The following THSD7B variants were observed in gnomAD, a reference collection of about 807,000 sequenced individuals.
THSD7B encodes the protein thrombospondin type 1 domain containing 7B.
THSD7B carries 138 observed loss-of-function variants against 213.6 expected under a neutral mutation model. The ratio of observed to expected loss-of-function variants is 0.65; its 90% CI spans 0.56 to 0.74. THSD7B has a LOEUF of 0.74. Among genes scored for constraint, THSD7B ranks in the 30% least tolerant of loss-of-function variants. The probability of loss-of-function intolerance (pLI) is 0.00; values close to 1 mark genes in which losing one functional copy is unlikely to be tolerated. For missense variants in THSD7B, 1,931 were observed against 1,991.5 expected (o/e 0.97, Z 0.58); for synonymous variants, 742 against 687.0 (o/e 1.08, Z -1.25).
chr2:137,025,392 T>C (rs76075939), intron 2 of THSD7B, among the ~76,000 whole-genome samples: 2,507 of 152,270 alleles, frequency 0.016, 71 homozygotes, highest in African/African-American at 0.057. Context: ...TCCCAGCTCA[T>C]AGGACATGGC....
At chr2:137,169,416 AACTATACCTTGAGGTG>A (rs1680198994) in intron 6 of THSD7B, among the ~76,000 whole-genome samples, 3 of 151,580 alleles carry the variant, frequency 2.0e-5, no homozygotes, top group African/African-American at 7.3e-5. Context: ...GTCTTTCTCC[AACTATACCTTGAGGTG>A]TGTAACTTTT....
intron 7 of THSD7B, among the ~76,000 whole-genome samples, chr2:137,193,447 G>T (rs1680699806): frequency 6.6e-6 from 1 of 152,132 alleles, no homozygotes; most frequent in South Asian, 2.1e-4. Flanking sequence ...CATCTGAAAT[G>T]TACTCTCTTA....
chr2:136,770,926 G>A (rs185307531), intron 1 of THSD7B, among the ~76,000 whole-genome samples: 136 of 151,918 alleles, frequency 9.0e-4, no homozygotes, highest in Admixed American at 2.2e-3. Flanking sequence ...AATTTAATTT[G>A]TTTTCTTAGA....
chr2:137,481,295 A>G (rs1351061521), intron 15 of THSD7B, among the ~76,000 whole-genome samples: 1 of 152,192 alleles, frequency 6.6e-6, no homozygotes, highest in East Asian at 1.9e-4. Flanking sequence ...AAACACTGAA[A>G]CTTTCTTTAT....
chr2:137,580,722 G>A (rs560695539), intron 17 of THSD7B, among the ~76,000 whole-genome samples: 124 of 152,344 alleles, frequency 8.1e-4, no homozygotes, highest in African/African-American at 2.9e-3. Flanking sequence ...TGTACAGGAA[G>A]CATGGTTTCT....
intron 15 of THSD7B, among the ~76,000 whole-genome samples, chr2:137,539,299 G>T (rs1680564242): frequency 6.6e-6 from 1 of 151,580 alleles, no homozygotes; most frequent in Non-Finnish European, 1.5e-5. Context: ...TCACGTGCAG[G>T]GTTTTGCAAG....
intron 17 of THSD7B, among the ~76,000 whole-genome samples, chr2:137,581,006 A>G (rs1681561784): frequency 6.6e-6 from 1 of 152,236 alleles, no homozygotes; most frequent in African/African-American, 2.4e-5. Flanking sequence ...GGGTGGGGAT[A>G]AATATCCAAA....
chr2:137,190,379 G>C (rs903156262), intron 7 of THSD7B, among the ~76,000 whole-genome samples: 1 of 152,066 alleles, frequency 6.6e-6, no homozygotes, highest in Non-Finnish European at 1.5e-5. Context: ...ACGGAAGCAA[G>C]TTGCCTGACT....
rs114218782 is a variant in THSD7B, at chr2:137,095,752, A to G, written c.1199+631A>G. On this transcript the variant is annotated intron_variant, in intron 4 of 27. Coordinates refer to ENST00000409968, the MANE Select transcript of THSD7B (RefSeq NM_001316349.2). ...CTCTTGTTGCCCAGGGTGGAGTGCA[A>G]TGGTGTGATTATGGCTCACTTTAGC... Among the ~76,000 whole-genome samples the G allele has an allele frequency of 2.1e-3, 312 of 152,172 alleles. 3 individuals are homozygous for G. Among genetic ancestry groups the G allele is most frequent in the African/African-American group, 7.2e-3 (299 of 41,522 alleles).
intron 5 of THSD7B, among the ~76,000 whole-genome samples, chr2:137,142,836 ATTTGT>A (rs755407224): frequency 1.3e-5 from 2 of 152,004 alleles, no homozygotes; most frequent in African/African-American, 2.4e-5. Flanking sequence ...TTGTTTTCTT[ATTTGT>A]TTTGAAGATT....
chr2:137,087,589 A>G lies in THSD7B; in HGVS notation c.951-7284A>G, dbSNP rs114829802. Among the ~76,000 whole-genome samples the G allele has an allele frequency of 3.8e-3, 577 of 152,260 alleles. 6 individuals carry two copies. Among genetic ancestry groups the G allele is most frequent in the African/African-American group, 0.013 (553 of 41,538 alleles). ...AACAAAACAAAACAAAATAAAACTA[A>G]CCAAGGAAGTGAAAGACCTCTACAA... On this transcript the variant is annotated intron_variant, in intron 3 of 27. Transcript: ENST00000409968.
chr2:136,926,602 G>A (rs554590613), intron 2 of THSD7B, among the ~76,000 whole-genome samples: 58 of 152,152 alleles, frequency 3.8e-4, no homozygotes, highest in African/African-American at 1.4e-3. Flanking sequence ...GCTAAGGTGG[G>A]AGGATGGTCT....
chr2:136,807,509 G>GATTTTTTTTTTTT (rs1682303012), intron 1 of THSD7B, among the ~76,000 whole-genome samples: 1 of 104,886 alleles, frequency 9.5e-6, no homozygotes, highest in African/African-American at 3.7e-5. Context: ...AAAATGTTTC[G>GATTTTTTTTTTTT]TTTTTTTTTT....
intron 12 of THSD7B, 63 bp from the exon 13 acceptor site, chr2:137,405,550 A>G: frequency 6.1e-6 from 9 of 1,475,536 alleles, no homozygotes; most frequent in Non-Finnish European, 7.3e-6. Context: ...CTGTCTTGTC[A>G]AAGAACCAGC....
chr2:137,017,618 T>C (rs1283235264), intron 2 of THSD7B, among the ~76,000 whole-genome samples: 4 of 152,132 alleles, frequency 2.6e-5, no homozygotes, highest in Non-Finnish European at 4.4e-5. Context: ...ACTGAGAATG[T>C]TACTGAAGCA....
intron 12 of THSD7B, among the ~76,000 whole-genome samples, chr2:137,386,262 G>A (rs1667701567): frequency 6.6e-6 from 1 of 152,198 alleles, no homozygotes; most frequent in South Asian, 2.1e-4. Context: ...GCAGCCCCCT[G>A]AGTGTAGTGA....
chr2:137,617,276 T>C (rs1240946709), intron 18 of THSD7B, among the ~76,000 whole-genome samples: 2 of 152,242 alleles, frequency 1.3e-5, no homozygotes, highest in African/African-American at 4.8e-5. Context: ...ATGGGTTTGC[T>C]ATTCTATTCC....
chr2:136,838,277 A>G (rs1682872956), intron 1 of THSD7B, among the ~76,000 whole-genome samples: 1 of 152,112 alleles, frequency 6.6e-6, no homozygotes, highest in Non-Finnish European at 1.5e-5. Context: ...TAAATTGGGT[A>G]TAGAGGGAAG....
intron 2 of THSD7B, among the ~76,000 whole-genome samples, chr2:136,916,178 G>A (rs1468993032): frequency 6.6e-6 from 1 of 152,096 alleles, no homozygotes; most frequent in Non-Finnish European, 1.5e-5. Flanking sequence ...CACAAAAAAT[G>A]CTGAAAGTTT....
Sources: allele counts gnomAD v4.1 joint callset (sites outside exome capture counted in the v4.1 genomes callset), GRCh38; gene constraint gnomAD v4.1.1; transcripts MANE v1.5; gene names NCBI Gene and HGNC (gene_info 2026-07-23, HGNC 2026-07-21).